Variants in AP2B1 observed in about 807,000 individuals in gnomAD.
The protein encoded by AP2B1 is AP-2 complex subunit beta.
A neutral mutation model predicts 102.0 loss-of-function variants in AP2B1; 23 were observed. The ratio of observed to expected loss-of-function variants is 0.23; its 90% confidence interval spans 0.16 to 0.32. The LOEUF (loss-of-function observed/expected upper bound fraction) is 0.32. Ranked by LOEUF, AP2B1 falls within the 10% of genes least tolerant of loss-of-function variation. The pLI is 1.00. For missense variants in AP2B1, 541 were observed against 1,157.4 expected (o/e 0.47, Z 7.73); for synonymous variants, 381 against 421.2 (o/e 0.90, Z 1.17).
chr17:35,660,222 C>G (rs1199923065), intron 14 of AP2B1: 2 of 309,194 alleles, frequency 6.5e-6, no homozygotes, highest in African/African-American at 4.5e-5. Context: ...CTCAAGCAAT[C>G]CCCCTGCCTT....
intron 15 of AP2B1, 127 bp from the exon 16 acceptor site, chr17:35,671,627 T>G: frequency 2.1e-6 from 2 of 967,686 alleles, no homozygotes; most frequent in Non-Finnish European, 3.1e-6. Flanking sequence ...ATTTGACTCC[T>G]AAGAATATTG....
intron 14 of AP2B1, among the ~76,000 whole-genome samples, chr17:35,668,425 A>G (rs954422369): frequency 2.0e-5 from 3 of 152,062 alleles, no homozygotes; most frequent in African/African-American, 7.2e-5. Flanking sequence ...GAACAATTAA[A>G]TTACCATCTC....
intron 2 of AP2B1, chr17:35,596,763 G>T: frequency 1.8e-6 from 1 of 567,906 alleles, no homozygotes; most frequent in Admixed American, 2.7e-5. Context: ...GGCGAGTACA[G>T]CGCCCGCAGC....
intron 6 of AP2B1, 118 bp from the exon 7 acceptor site, chr17:35,626,503 C>G: frequency 1.2e-6 from 1 of 869,108 alleles, no homozygotes; most frequent in Non-Finnish European, 1.8e-6. Context: ...TTTGACTTTT[C>G]TAACTAATTC....
intron 18 of AP2B1, among the ~76,000 whole-genome samples, chr17:35,686,192 A>G (rs957590111): frequency 6.6e-6 from 1 of 152,262 alleles, no homozygotes; most frequent in Non-Finnish European, 1.5e-5. Flanking sequence ...GAATCAGCTT[A>G]TAAACATTAT....
chr17:35,632,597 C>G (rs953410012), intron 9 of AP2B1, among the ~76,000 whole-genome samples: 1 of 149,538 alleles, frequency 6.7e-6, no homozygotes, highest in African/African-American at 2.4e-5. Flanking sequence ...TGTTTCTGGA[C>G]TTTTTGTATA....
intron 17 of AP2B1, among the ~76,000 whole-genome samples, chr17:35,676,845 G>T (rs143029920): frequency 3.9e-5 from 6 of 151,922 alleles, no homozygotes; most frequent in Admixed American, 1.3e-4. Context: ...GTTGTTTTTG[G>T]GGGGAGAGAG....
chr17:35,696,898 C>T (rs773433223), intron 18 of AP2B1, among the ~76,000 whole-genome samples: 10 of 152,178 alleles, frequency 6.6e-5, no homozygotes, highest in African/African-American at 9.7e-5. Context: ...TCTCCCAGGG[C>T]CTGGAACGAT....
chr17:35,670,942 T>C, intron 15 of AP2B1, 44 bp downstream of exon 15: 8 of 1,599,594 alleles, frequency 5.0e-6, no homozygotes, highest in Non-Finnish European at 6.0e-6. Flanking sequence ...CACTGCCCCC[T>C]GTTTGATGCC....
At chr17:35,608,490 T>C in intron 5 of AP2B1, 103 bp downstream of exon 5, 1 of 1,371,334 alleles carries the variant, frequency 7.3e-7, no homozygotes, top group East Asian at 2.3e-5. Flanking sequence ...GGTTATGGGG[T>C]AGCTATGGGA....
chr17:35,640,248 T>A (rs1030624106), intron 11 of AP2B1, among the ~76,000 whole-genome samples: 5 of 145,166 alleles, frequency 3.4e-5, no homozygotes, highest in Admixed American at 6.9e-5. Flanking sequence ...TTTTTTTTTT[T>A]TTTTTTTGAG....
chr17:35,657,314 C>G (rs2075254861), intron 13 of AP2B1, among the ~76,000 whole-genome samples: 1 of 152,184 alleles, frequency 6.6e-6, no homozygotes, highest in South Asian at 2.1e-4. Flanking sequence ...ATTCTCCTTA[C>G]AGTGTTCCCT....
rs1208973388 is a variant in AP2B1 at position 35,720,573 on chromosome 17, A to ATTTTTTTTT, written c.2782-3033_2782-3025dup. 6.1e-4 allele frequency among the ~76,000 whole-genome samples: 17 copies of ATTTTTTTTT among 28,064 alleles called. 2 individuals are homozygous for ATTTTTTTTT. The highest frequency in any genetic ancestry group is 2.4e-3 in the Admixed American group (4 of 1,660). The allele number at this position is 28,064 out of a possible 152,430, so 18.4% of individuals were successfully genotyped here. On this transcript the variant is annotated intron_variant, in intron 21 of 21. Coordinates refer to ENST00000610402, the MANE Select transcript of AP2B1 (RefSeq NM_001030006.2). ...TATATATATATATATATATATATAT[A>ATTTTTTTTT]TTTTTTTTTTTTTTTTTTTTTTTTT...
At chr17:35,648,508 C>G (rs1021882881) in intron 12 of AP2B1, among the ~76,000 whole-genome samples, 1 of 146,800 alleles carries the variant, frequency 6.8e-6, no homozygotes, top group Admixed American at 7.1e-5. Flanking sequence ...GAACAAGACT[C>G]TGTCTCAAAA....
Position 35,601,644 on chromosome 17 carries a change from T to C in AP2B1, c.143+3309T>C, listed in dbSNP as rs1038263879. Reference sequence around the variant, plus strand: ...TCATGGATTGTACAAAAATCCAGCATTGGGCTAGATTTAACCCACAGGCGG... The same window carrying C: ...TCATGGATTGTACAAAAATCCAGCACTGGGCTAGATTTAACCCACAGGCGG... On this transcript the variant is annotated intron_variant, in intron 3 of 21. Transcript: ENST00000610402. Among the ~76,000 whole-genome samples the C allele has an allele frequency of 3.9e-5, 6 of 152,290 alleles. No individual in the cohort carries two copies. The South Asian group carries it at 6.2e-4, about 16-fold the overall frequency.
At chr17:35,596,359 G>A (rs1389813931) in intron 2 of AP2B1, among the ~76,000 whole-genome samples, 1 of 152,172 alleles carries the variant, frequency 6.6e-6, no homozygotes, top group African/African-American at 2.4e-5. Flanking sequence ...TGCTACTTTT[G>A]TAGCTGTTGA....
chr17:35,634,975 TTC>T (rs1465313376), intron 9 of AP2B1, among the ~76,000 whole-genome samples: 2 of 152,302 alleles, frequency 1.3e-5, no homozygotes, highest in East Asian at 1.9e-4. Flanking sequence ...GTGTGTGTGT[TTC>T]TCTGTTTCTG....
intron 14 of AP2B1, among the ~76,000 whole-genome samples, chr17:35,658,256 A>G (rs1313013476): frequency 6.9e-6 from 1 of 145,482 alleles, no homozygotes; most frequent in African/African-American, 2.6e-5. Flanking sequence ...AAAGGTTTTG[A>G]GGCAGCCTTT....
intron 14 of AP2B1, among the ~76,000 whole-genome samples, chr17:35,670,644 T>C (rs1177175150): frequency 6.6e-6 from 1 of 152,150 alleles, no homozygotes; most frequent in Non-Finnish European, 1.5e-5. Flanking sequence ...CTTTACAAGT[T>C]TTCTCCAAAC....
Sources: gnomAD v4.1 joint callset for allele counts (sites outside exome capture counted in the v4.1 genomes callset) on GRCh38, gnomAD v4.1.1 for gene constraint, MANE v1.5 for transcripts, NCBI Gene and HGNC (gene_info 2026-07-23, HGNC 2026-07-21) for gene names.